CCDC81: variants seen among roughly 807,000 people sequenced by gnomAD.
CCDC81 encodes coiled-coil domain containing 81, also known as coiled-coil domain-containing protein 81.
In CCDC81, 79 loss-of-function variants were observed where a neutral mutation model predicts 83.7. The ratio of observed to expected loss-of-function variants is 0.94; its 90% confidence interval spans 0.79 to 1.14. CCDC81 has a LOEUF of 1.14. Ranked by LOEUF, CCDC81 falls within the 50% of genes most tolerant of loss-of-function variation. CCDC81 has a pLI of 0.00. For missense variants in CCDC81, 791 were observed against 778.1 expected, an observed-to-expected ratio of 1.02 and a Z score of -0.20; for synonymous variants, 252 against 278.1, an observed-to-expected ratio of 0.91 and a Z score of 0.93.
chr11:86,400,648 A>C, intron 6 of CCDC81, 30 bp from the exon 7 acceptor site: 1 of 1,568,002 alleles, frequency 6.4e-7, no homozygotes. Context: ...TTGAAAGGAG[A>C]CTCGTTTTCA....
At chr11:86,419,650 G>T in intron 13 of CCDC81, 1 of 239,200 alleles carries the variant, frequency 4.2e-6, no homozygotes, top group Non-Finnish European at 7.9e-6. Context: ...TAGCCTCAAA[G>T]GAAATTAATG....
At chr11:86,393,588 T>G (rs1357765503) in intron 4 of CCDC81, among the ~76,000 whole-genome samples, 2 of 152,246 alleles carry the variant, frequency 1.3e-5, no homozygotes, top group Non-Finnish European at 2.9e-5. Flanking sequence ...TTCTACTATT[T>G]TATTTTAATG....
rs1390347443 is a variant in CCDC81, at chr11:86,422,601, C to T, written c.1845C>T (p.Asp615=). The part of the protein sequence containing the change: ...ERASDKLFLL[D]QCEKYRRCKQ... ...CTTCAGACAAGCTGTTTCTCCTAGA[C>T]CAGTGTGAGAAGTATCGGCGCTGCA... The change falls in exon 15 of 15, where the codon GAC becomes GAT. Residue 615 remains aspartate (D), a synonymous_variant. Coordinates refer to ENST00000445632, the MANE Select transcript of CCDC81 (RefSeq NM_001156474.2). The T allele has an allele frequency of 1.2e-6, 2 of 1,613,774 alleles. No individual in the cohort carries two copies. The highest frequency in any genetic ancestry group is 1.3e-5 in the African/African-American group (1 of 74,876).
At chr11:86,386,765 A>G (rs1565758855) in intron 2 of CCDC81, among the ~76,000 whole-genome samples, 1 of 152,216 alleles carries the variant, frequency 6.6e-6, no homozygotes, top group East Asian at 1.9e-4. Context: ...GAAAAATCAT[A>G]TAATGTTTTG....
At chr11:86,382,434 A>T (rs1565757272) in intron 1 of CCDC81, among the ~76,000 whole-genome samples, 1 of 152,176 alleles carries the variant, frequency 6.6e-6, no homozygotes, top group Non-Finnish European at 1.5e-5. Context: ...ATGACTTCTG[A>T]GTTCCTGGCT....
intron 1 of CCDC81, among the ~76,000 whole-genome samples, chr11:86,382,029 G>C (rs1948183701): frequency 6.6e-6 from 1 of 152,186 alleles, no homozygotes; most frequent in South Asian, 2.1e-4. Flanking sequence ...CTGCTCTGTA[G>C]ATGTGGGGAG....
At chr11:86,379,165 T>C (rs1948139492) in intron 1 of CCDC81, among the ~76,000 whole-genome samples, 1 of 151,976 alleles carries the variant, frequency 6.6e-6, no homozygotes, top group South Asian at 2.1e-4. Context: ...GGTGTGATCT[T>C]GGCTCACTGC....
At chr11:86,416,896 T>C (rs1362346106) in intron 13 of CCDC81, among the ~76,000 whole-genome samples, 1 of 152,192 alleles carries the variant, frequency 6.6e-6, no homozygotes, top group Non-Finnish European at 1.5e-5. Flanking sequence ...TACTTGTTTT[T>C]TTTCTTTTTG....
At chr11:86,375,367 T>C (rs1407119004) in intron 1 of CCDC81, 125 bp downstream of exon 1, 2 of 737,172 alleles carry the variant, frequency 2.7e-6, no homozygotes, top group Admixed American at 2.7e-5. Flanking sequence ...TAAGTTGCCT[T>C]GACAACCAGC....
intron 5 of CCDC81, 140 bp downstream of exon 5, chr11:86,395,553 A>G: frequency 1.6e-6 from 1 of 637,038 alleles, no homozygotes; most frequent in South Asian, 2.0e-5. Context: ...CTCTAAATCC[A>G]CCAACAAAGA....
At chr11:86,389,694 C>T (rs1371252275) in intron 3 of CCDC81, among the ~76,000 whole-genome samples, 1 of 152,170 alleles carries the variant, frequency 6.6e-6, no homozygotes, top group African/African-American at 2.4e-5. Context: ...TCCAATTAGA[C>T]ATGAGATTTG....
Position 86,420,022 on chromosome 11 carries a change from C to G in CCDC81, c.1786C>G (p.Gln596Glu). The change falls in exon 14 of 15, where the codon CAG (glutamine) becomes GAG (glutamate). Residue 596 changes from glutamine to glutamate, a missense_variant. Coordinates refer to ENST00000445632, the MANE Select transcript of CCDC81 (RefSeq NM_001156474.2). ...DWERSAAMKKQRDLEDKAFER... is the reference protein window; with the variant it reads ...DWERSAAMKKERDLEDKAFER... ...GGAAAGGAGTGCTGCGATGAAGAAG[C>G]AGCGAGACCTGGAGGACAAGGCTTT... The G allele has an allele frequency of 6.2e-7, 1 of 1,613,774 alleles. No homozygotes were observed. Among genetic ancestry groups the G allele is most frequent in the African/African-American group, 1.3e-5 (1 of 75,012 alleles).
At chr11:86,401,852 A>T (rs1439371875) in intron 7 of CCDC81, among the ~76,000 whole-genome samples, 1 of 152,148 alleles carries the variant, frequency 6.6e-6, no homozygotes, top group African/African-American at 2.4e-5. Flanking sequence ...TAACCAAAAA[A>T]TAGGCCAGGC....
Position 86,395,401 on chromosome 11 carries a change from T to G in CCDC81, c.623T>G (p.Leu208Arg). Residue 208 changes from leucine to arginine, a missense_variant, in exon 5 of 15, where the codon CTT becomes CGT. Coordinates refer to ENST00000445632, the MANE Select transcript of CCDC81 (RefSeq NM_001156474.2). ...TTGAGGAAGTGGCCCAGCAGTGTGC[T>G]TGCGTTTCCAAGGTGAGTGCTTTGC... ...EALRKWPSSV[L>R]AFPRIELKEM... 1 of 1,614,002 alleles carries G rather than the reference T, an allele frequency of 6.2e-7. No individual in the cohort carries two copies.
chr11:86,391,893 C>G (rs887669690), intron 3 of CCDC81, among the ~76,000 whole-genome samples: 3 of 152,154 alleles, frequency 2.0e-5, no homozygotes, highest in Non-Finnish European at 4.4e-5. Flanking sequence ...ACAATCATGG[C>G]AGAAGGTGCA....
At chr11:86,383,124 T>C (rs1948195244) in intron 1 of CCDC81, among the ~76,000 whole-genome samples, 1 of 152,202 alleles carries the variant, frequency 6.6e-6, no homozygotes, top group Non-Finnish European at 1.5e-5. Context: ...AAGTTTAATA[T>C]TATGTAATTA....
At chr11:86,399,096 C>A (rs1390878235) in intron 6 of CCDC81, among the ~76,000 whole-genome samples, 1 of 152,198 alleles carries the variant, frequency 6.6e-6, no homozygotes, top group African/African-American at 2.4e-5. Context: ...AATCTATTGG[C>A]TGTTAAAAGT....
intron 5 of CCDC81, among the ~76,000 whole-genome samples, chr11:86,396,940 C>G (rs540461732): frequency 6.6e-6 from 1 of 152,176 alleles, no homozygotes; most frequent in South Asian, 2.1e-4. Context: ...AAGTCAAGGG[C>G]CTAGAAATGG....
At chr11:86,403,149 T>C (rs1240883134) in intron 7 of CCDC81, among the ~76,000 whole-genome samples, 1 of 150,620 alleles carries the variant, frequency 6.6e-6, no homozygotes, top group Non-Finnish European at 1.5e-5. Context: ...CCACCACACC[T>C]GGCCTGCATT....
Sources: allele counts gnomAD v4.1 joint callset (sites outside exome capture counted in the v4.1 genomes callset), GRCh38; gene constraint gnomAD v4.1.1; transcripts MANE v1.5; gene names NCBI Gene and HGNC (gene_info 2026-07-23, HGNC 2026-07-21).